PDE4D: variants seen among roughly 807,000 people sequenced by gnomAD.
The protein encoded by PDE4D is phosphodiesterase 4D.
PDE4D carries 24 observed loss-of-function variants against 87.4 expected under a neutral mutation model. That is an observed-to-expected ratio of 0.27 (90% confidence interval 0.20 to 0.39). The LOEUF is 0.39. Ranked by LOEUF, PDE4D falls within the 10% of genes least tolerant of loss-of-function variation. PDE4D has a pLI of 1.00. For synonymous variants in PDE4D, 384 were observed against 383.2 expected (o/e 1.00, Z -0.02); for missense variants, 714 against 1,041.0 (o/e 0.69, Z 4.32).
intron 1 of PDE4D, among the ~76,000 whole-genome samples, chr5:59,613,397 A>C (rs972600281): frequency 6.6e-6 from 1 of 152,220 alleles, no homozygotes; most frequent in African/African-American, 2.4e-5. Context: ...TTGAATATGA[A>C]AGTCTGTATC....
At chr5:60,084,936 T>C (rs563939290) in intron 2 of PDE4D, among the ~76,000 whole-genome samples, 3 of 152,312 alleles carry the variant, frequency 2.0e-5, no homozygotes, top group African/African-American at 4.8e-5. Context: ...CAGGATGCAA[T>C]GTCTACACAA....
chr5:60,008,613 G>A (rs1764711116), intron 2 of PDE4D, among the ~76,000 whole-genome samples: 1 of 151,902 alleles, frequency 6.6e-6, no homozygotes, highest in South Asian at 2.1e-4. Flanking sequence ...AGCTATGGGA[G>A]AAGCAACATA....
rs1743168618 is a variant in PDE4D at position 58,974,231 on chromosome 5, T to C, written c.*433A>G. 1.3e-5 allele frequency: 2 copies of C among 153,732 alleles called. No individual in the cohort carries two copies. Among genetic ancestry groups the C allele is most frequent in the Admixed American group, 6.5e-5 (1 of 15,466 alleles). The allele number at this position is 153,732 out of a possible 1,614,324, so 9.5% of individuals were successfully genotyped here. ...CCTCCTACTGGTAACAGATTCGTGC[T>C]ATGTCCTGTTCTTGACATATTTGTT... On this transcript the variant is annotated 3_prime_UTR_variant, in exon 15 of 15. Transcript: ENST00000340635.
At chr5:59,168,388 T>G (rs1782221261) in intron 5 of PDE4D, among the ~76,000 whole-genome samples, 1 of 152,156 alleles carries the variant, frequency 6.6e-6, no homozygotes, top group South Asian at 2.1e-4. Context: ...GCCTGACTTC[T>G]CACACACACC....
At chr5:59,886,417 T>C (rs1050970127) in intron 1 of PDE4D, among the ~76,000 whole-genome samples, 1 of 151,924 alleles carries the variant, frequency 6.6e-6, no homozygotes, top group Non-Finnish European at 1.5e-5. Context: ...CTCGGGAGGC[T>C]GAGGCAGGAG....
intron 2 of PDE4D, among the ~76,000 whole-genome samples, chr5:60,063,141 A>AG (rs1658498711): frequency 6.8e-6 from 1 of 146,228 alleles, no homozygotes; most frequent in Non-Finnish European, 1.5e-5. Flanking sequence ...AAAGAAAGAA[A>AG]GAAAGAAAGA....
At position 60,429,954 on chromosome 5, in the gene PDE4D, G is replaced by A. The variant is rs140949903; in HGVS notation, c.-90+57988C>T. 3.3e-3 allele frequency: 1,698 copies of A among 514,600 alleles called. 23 individuals carry two copies. The highest frequency in any genetic ancestry group is 0.029 in the African/African-American group (1,515 of 51,886). 31.9% of individuals were successfully genotyped at this position (514,600 alleles called of 1,614,324 possible). On this transcript the variant is annotated intron_variant, in intron 1 of 16. Coordinates refer to the PDE4D transcript ENST00000502484. ...ATTTTTTTAAAGTGGTAACAGGTACGTAGGCAACCAAAGTATAGAGCTTGT... is the reference window on the plus strand; with the variant it reads ...ATTTTTTTAAAGTGGTAACAGGTACATAGGCAACCAAAGTATAGAGCTTGT...
intron 1 of PDE4D, among the ~76,000 whole-genome samples, chr5:59,352,396 A>G (rs1025766124): frequency 1.3e-5 from 2 of 152,186 alleles, no homozygotes; most frequent in Non-Finnish European, 2.9e-5. Context: ...AGTGCTATGC[A>G]ACAGGAGGTA....
intron 2 of PDE4D, among the ~76,000 whole-genome samples, chr5:60,076,372 G>A (rs993809026): frequency 1.3e-5 from 2 of 152,024 alleles, no homozygotes; most frequent in Non-Finnish European, 2.9e-5. Flanking sequence ...GTTGGCCAGG[G>A]TGGTCTTGAT....
chr5:59,211,047 T>C (rs1207854016), intron 2 of PDE4D, among the ~76,000 whole-genome samples: 1 of 152,158 alleles, frequency 6.6e-6, no homozygotes, highest in Non-Finnish European at 1.5e-5. Context: ...ACAAAAATAT[T>C]GTCTATTTAC....
At chr5:59,006,917 C>T (rs952668375) in intron 6 of PDE4D, among the ~76,000 whole-genome samples, 2 of 152,168 alleles carry the variant, frequency 1.3e-5, no homozygotes, top group African/African-American at 4.8e-5. Context: ...GTCAAGTTGT[C>T]TTGCTCAAGG....
chr5:60,310,373 A>G (rs568445272), intron 1 of PDE4D, among the ~76,000 whole-genome samples: 71 of 152,220 alleles, frequency 4.7e-4, no homozygotes, highest in Non-Finnish European at 8.8e-4. Context: ...GTTTGGGAAC[A>G]AAAATAAATA....
chr5:60,191,124 C>A (rs1785165538), intron 1 of PDE4D, among the ~76,000 whole-genome samples: 1 of 152,196 alleles, frequency 6.6e-6, no homozygotes, highest in African/African-American at 2.4e-5. Context: ...ACTTCCCCTA[C>A]TGCGCCAAGT....
chr5:58,996,747 A>C (rs1315994413), intron 6 of PDE4D, among the ~76,000 whole-genome samples: 1 of 152,190 alleles, frequency 6.6e-6, no homozygotes, highest in African/African-American at 2.4e-5. Flanking sequence ...GGATTTTTCT[A>C]AAAGAATATA....
rs564343188 is a variant in PDE4D at position 59,404,862 on chromosome 5, T to A, written c.456-188894A>T. On this transcript the variant is annotated intron_variant, in intron 1 of 14. Coordinates refer to ENST00000340635, the MANE Select transcript of PDE4D (RefSeq NM_001104631.2). ...TATCCAGTTTTCCCAGAACCATTTATTGAAGAGACTGTCCTTTCTCAATGT... is the reference window on the plus strand; with the variant it reads ...TATCCAGTTTTCCCAGAACCATTTAATGAAGAGACTGTCCTTTCTCAATGT... 3.3e-5 allele frequency among the ~76,000 whole-genome samples: 5 copies of A among 152,334 alleles called. No individual in the cohort carries two copies. The East Asian group carries it at 9.6e-4, about 29-fold the overall frequency.
At chr5:59,190,834 G>C (rs776699483) in intron 3 of PDE4D, among the ~76,000 whole-genome samples, 1 of 151,948 alleles carries the variant, frequency 6.6e-6, no homozygotes, top group Non-Finnish European at 1.5e-5. Context: ...GGGCTTAACA[G>C]TTTTTTGTTT....
chr5:60,009,434 G>A (rs920160530), intron 2 of PDE4D, among the ~76,000 whole-genome samples: 6 of 151,890 alleles, frequency 4.0e-5, no homozygotes, highest in Non-Finnish European at 8.8e-5. Context: ...TTAGGCACTG[G>A]AAATACAGTA....
At chr5:60,478,135 G>A (rs193034172) in intron 1 of PDE4D, among the ~76,000 whole-genome samples, 36 of 152,120 alleles carry the variant, frequency 2.4e-4, no homozygotes, top group African/African-American at 8.0e-4. Flanking sequence ...TCAAATTCAA[G>A]GTCATAATTC....
chr5:59,748,526 T>A (rs1319964997), intron 1 of PDE4D, among the ~76,000 whole-genome samples: 1 of 151,818 alleles, frequency 6.6e-6, no homozygotes, highest in Non-Finnish European at 1.5e-5. Flanking sequence ...CTGGAAACCA[T>A]CATTCTCAGC....
Sources: allele counts gnomAD v4.1 joint callset (sites outside exome capture counted in the v4.1 genomes callset), GRCh38; gene constraint gnomAD v4.1.1; transcripts MANE v1.5; gene names NCBI Gene and HGNC (gene_info 2026-07-23, HGNC 2026-07-21).